CYFIP2: variants seen among roughly 807,000 people sequenced by gnomAD.
The protein encoded by CYFIP2 is cytoplasmic FMR1 interacting protein 2, also known as cytoplasmic FMR1-interacting protein 2.
In CYFIP2, 29 loss-of-function variants were observed where a neutral mutation model predicts 158.7. The ratio of observed to expected loss-of-function variants is 0.18; its 90% CI spans 0.14 to 0.25. The LOEUF is 0.25. Ranked by LOEUF, CYFIP2 falls within the 10% of genes least tolerant of loss-of-function variation. CYFIP2 has a pLI of 1.00. For missense variants in CYFIP2, 852 were observed against 1,639.5 expected (o/e 0.52, Z 8.29); for synonymous variants, 585 against 617.6 (o/e 0.95, Z 0.78).
At chr5:157,336,747 G>A (rs899444899) in intron 21 of CYFIP2, among the ~76,000 whole-genome samples, 127 of 152,312 alleles carry the variant, frequency 8.3e-4, no homozygotes, top group African/African-American at 2.8e-3. Context: ...CTGTGGAAAA[G>A]TGTCATCCTC....
At chr5:157,377,344 C>G (rs913915352) in intron 26 of CYFIP2, among the ~76,000 whole-genome samples, 1 of 152,104 alleles carries the variant, frequency 6.6e-6, no homozygotes, top group African/African-American at 2.4e-5. Context: ...TCAGCCCTGC[C>G]CTACTGTGGC....
At chr5:157,360,212 T>C in intron 24 of CYFIP2, 70 bp from the exon 25 acceptor site, 1 of 1,292,526 alleles carries the variant, frequency 7.7e-7, no homozygotes, top group East Asian at 2.4e-5. Context: ...CTCTCAGAGG[T>C]CTCAGCATAA....
At chr5:157,305,699 G>T (rs373717356) in intron 8 of CYFIP2, among the ~76,000 whole-genome samples, 1 of 152,104 alleles carries the variant, frequency 6.6e-6, no homozygotes, top group African/African-American at 2.4e-5. Flanking sequence ...ATTTTTTGTA[G>T]AGTCAAGGTC....
chr5:157,354,047 C>T (rs1351204104), intron 23 of CYFIP2, among the ~76,000 whole-genome samples: 1 of 152,188 alleles, frequency 6.6e-6, no homozygotes, highest in Non-Finnish European at 1.5e-5. Context: ...TTTTAAAGTT[C>T]ATCTACAGAT....
At position 157,309,644 on chromosome 5, in the gene CYFIP2, G is replaced by T. The variant is rs2113023122; in HGVS notation, c.901-99G>T. On this transcript the variant is annotated intron_variant, in intron 9 of 30. Transcript: ENST00000620254. ...GCAGAAACTAGGGGTCGGCCCCCAG[G>T]CACACACAGAGGCCTGCCTCCCACA... is the stretch of plus-strand genomic sequence containing the variant. The T allele has an allele frequency of 2.8e-6, 3 of 1,072,068 alleles. No homozygotes were observed. In the East Asian group the frequency reaches 7.8e-5, roughly 28 times the overall value. The allele number at this position is 1,072,068 out of a possible 1,614,324, so 66.4% of individuals were successfully genotyped here.
chr5:157,331,443 C>T (rs900048917), intron 20 of CYFIP2, among the ~76,000 whole-genome samples: 6 of 150,418 alleles, frequency 4.0e-5, no homozygotes, highest in Admixed American at 2.0e-4. Flanking sequence ...GTTGGCCAAG[C>T]GGGTGGCAAA....
intron 20 of CYFIP2, among the ~76,000 whole-genome samples, chr5:157,333,120 G>A (rs1761601860): frequency 6.6e-6 from 1 of 152,152 alleles, no homozygotes; most frequent in South Asian, 2.1e-4. Flanking sequence ...AAGAGGAGGG[G>A]CCAGGCTCCT....
At chr5:157,323,077 A>T (rs757011044) in intron 15 of CYFIP2, 5 of 1,462,474 alleles carry the variant, frequency 3.4e-6, no homozygotes, top group Non-Finnish European at 3.7e-6. Context: ...GCAGGAATGG[A>T]CTAGCCTGGC....
chr5:157,347,773 G>A (rs945671718), intron 23 of CYFIP2, among the ~76,000 whole-genome samples: 2 of 152,246 alleles, frequency 1.3e-5, no homozygotes, highest in African/African-American at 4.8e-5. Flanking sequence ...AAGATACTCA[G>A]AGAATGTGAG....
chr5:157,322,828 C>A, intron 15 of CYFIP2: 1 of 1,142,848 alleles, frequency 8.8e-7, no homozygotes, highest in Non-Finnish European at 1.2e-6. Context: ...GCGGCTTTCC[C>A]ACCGTATACA....
rs1334093854 is a variant in CYFIP2 at position 157,319,903 on chromosome 5, C to T, written c.1498C>T (p.Arg500Trp). The stretch of plus-strand genomic sequence containing the variant: ...GCGTGAGCCCCTGCGGCAGGCGGTA[C>T]GGAAGAAGAAGAATGTCCTCATCAG... ...TLREPLRQAV[R>W]KKKNVLISVL... The change falls in exon 14 of 31, where the codon CGG becomes TGG. Residue 500 changes from arginine (R) to tryptophan (W), a missense_variant. By Grantham distance (101) the Arg-to-Trp change is moderately radical. Transcript: ENST00000620254. 2 of 1,613,990 alleles carry T rather than the reference C, an allele frequency of 1.2e-6. No individual in the cohort carries two copies. Among genetic ancestry groups the T allele is most frequent in the Non-Finnish European group, 1.7e-6 (2 of 1,179,864 alleles).
At chr5:157,381,277 T>C (rs1435491595) in intron 26 of CYFIP2, among the ~76,000 whole-genome samples, 2 of 152,078 alleles carry the variant, frequency 1.3e-5, no homozygotes, top group Non-Finnish European at 2.9e-5. Flanking sequence ...TTACTTTACT[T>C]TGTACATATG....
Position 157,308,919 on chromosome 5 carries a change from G to A in CYFIP2, c.901-824G>A, listed in dbSNP as rs187384985. Among the ~76,000 whole-genome samples, 36 of 152,316 alleles carry A rather than the reference G, an allele frequency of 2.4e-4. No individual in the cohort carries two copies. In the East Asian group the frequency reaches 6.9e-3, roughly 29 times the overall value. ...TTAATAGCTGGATGACGTTGGGAAA[G>A]TCACTAAATCACTGAAACTGAGTTC... is the stretch of plus-strand genomic sequence containing the variant. On this transcript the variant is annotated intron_variant, in intron 9 of 30. Transcript: ENST00000620254.
chr5:157,325,588 C>T lies in CYFIP2; in HGVS notation c.1932C>T (p.Pro644=), dbSNP rs1027840586. 3 of 1,612,682 alleles carry T rather than the reference C, an allele frequency of 1.9e-6. No homozygotes were observed. The highest frequency in any genetic ancestry group is 2.7e-5 in the African/African-American group (2 of 74,892). ...RIQFPIEMSM[P]WILTDHILET... ...AGTTCCCCATCGAGATGTCCATGCC[C>T]TGGATTCTAACGGACCATATCCTGG... The change falls in exon 17 of 31, where the codon CCC becomes CCT. Residue 644 remains proline (P), a synonymous_variant. Transcript: ENST00000620254.
intron 23 of CYFIP2, among the ~76,000 whole-genome samples, chr5:157,349,626 T>C (rs923059225): frequency 1.3e-4 from 20 of 152,248 alleles, no homozygotes; most frequent in African/African-American, 4.8e-4. Context: ...TCTGGGTAGA[T>C]ACCCAGTAGT....
chr5:157,387,435 C>G (rs1450024133), intron 28 of CYFIP2, among the ~76,000 whole-genome samples: 1 of 152,158 alleles, frequency 6.6e-6, no homozygotes, highest in Non-Finnish European at 1.5e-5. Flanking sequence ...CCAGGACTGT[C>G]TGACCCTGAG....
At chr5:157,389,573 T>G in intron 29 of CYFIP2, 146 bp downstream of exon 29, 1 of 700,068 alleles carries the variant, frequency 1.4e-6, no homozygotes, top group Non-Finnish European at 2.3e-6. Context: ...TTGAGCTGAC[T>G]GCATTGGCAA....
chr5:157,354,930 T>G (rs1763312423), intron 23 of CYFIP2, among the ~76,000 whole-genome samples: 2 of 152,032 alleles, frequency 1.3e-5, no homozygotes, highest in South Asian at 2.1e-4. Context: ...GCTCCTTGGG[T>G]GGCGGTGAGG....
chr5:157,314,232 C>T, intron 11 of CYFIP2, 112 bp from the exon 12 acceptor site: 1 of 1,366,112 alleles, frequency 7.3e-7, no homozygotes, highest in Non-Finnish European at 9.7e-7. Context: ...GTTTATCTGT[C>T]AAGGGGATGT....
Sources: allele counts gnomAD v4.1 joint callset (sites outside exome capture counted in the v4.1 genomes callset), GRCh38; gene constraint gnomAD v4.1.1; transcripts MANE v1.5; gene names NCBI Gene and HGNC (gene_info 2026-07-23, HGNC 2026-07-21).